LYST: variants seen among roughly 807,000 people sequenced by gnomAD.
LYST encodes lysosomal-trafficking regulator.
In LYST, 192 loss-of-function variants were observed where a neutral mutation model predicts 413.6. That is an observed-to-expected ratio of 0.46 (90% CI 0.41 to 0.52). The LOEUF (loss-of-function observed/expected upper bound fraction) is 0.52, where lower values mean the gene tolerates loss of function less well. LYST is among the 20% of genes least tolerant of loss of function. LYST has a pLI of 0.00. For synonymous variants in LYST, 1,525 were observed against 1,567.3 expected, an observed-to-expected ratio of 0.97 and a Z score of 0.64; for missense variants, 3,815 against 4,499.9, an observed-to-expected ratio of 0.85 and a Z score of 4.35.
chr1:235,807,126 T>C (rs1250260535), intron 5 of LYST, among the ~76,000 whole-genome samples: 1 of 152,186 alleles, frequency 6.6e-6, no homozygotes, highest in Non-Finnish European at 1.5e-5. Context: ...ACACCTGAGG[T>C]GGACACCCTG....
rs1558162275 is a variant in LYST, at chr1:235,731,025, C to T, written c.8947+7G>A. 6.2e-7 allele frequency: 1 copy of T among 1,612,480 alleles called. No individual in the cohort carries two copies. On this transcript the variant is annotated splice_region_variant and intron_variant, in intron 35 of 52. Coordinates refer to ENST00000389793, the MANE Select transcript of LYST (RefSeq NM_000081.4). ...ATTTATATGTTGAGTCAAGAAGCCA[C>T]TATTACCTTCTGATTTCTGTCTATC...
rs568301827 is a variant in LYST at position 235,790,914 on chromosome 1, G to C, written c.4543+785C>G. Among the ~76,000 whole-genome samples the C allele has an allele frequency of 7.9e-5, 12 of 152,216 alleles. 1 individual carries two copies. The South Asian group carries it at 2.5e-3, about 32-fold the overall frequency. On this transcript the variant is annotated intron_variant, in intron 12 of 52. Transcript: ENST00000389793. Reference sequence around the variant, plus strand: ...ACTGAGGTAAGACATGGCATGAGAAGGAGAACTTGAAATAAAAGAGAGAAA... The same window carrying C: ...ACTGAGGTAAGACATGGCATGAGAACGAGAACTTGAAATAAAAGAGAGAAA...
chr1:235,776,962 T>G, intron 17 of LYST, 101 bp downstream of exon 17: 1 of 983,172 alleles, frequency 1.0e-6, no homozygotes, highest in Non-Finnish European at 1.5e-6. Flanking sequence ...TTTAATATAG[T>G]CGAGTGTAGC....
rs542209198 is a variant in LYST at position 235,661,395 on chromosome 1, C to G, written c.*1545G>C. 9.2e-5 allele frequency: 14 copies of G among 152,332 alleles called. No homozygotes were observed. The highest frequency in any genetic ancestry group is 2.9e-4 in the African/African-American group (12 of 41,424). 9.4% of individuals were successfully genotyped at this position (152,332 alleles called of 1,614,324 possible). A position where few individuals can be genotyped will look rare whatever the true frequency, so the allele number is the denominator to read the frequency against. On this transcript the variant is annotated 3_prime_UTR_variant, in exon 53 of 53. Coordinates refer to ENST00000389793, the MANE Select transcript of LYST (RefSeq NM_000081.4). The stretch of plus-strand genomic sequence containing the variant: ...GACAATAGCTGCAATTTTTTGTTAA[C>G]AAAGCAAATCACTTCAACGTGAATA...
upstream of LYST, among the ~76,000 whole-genome samples, chr1:235,867,520 GT>G: frequency 7.8e-6 from 1 of 127,634 alleles, no homozygotes; most frequent in Admixed American, 7.2e-5. Context: ...AAGTAATTCA[GT>G]GCAGTGGTGT....
chr1:235,679,014 T>C (rs1659603888), intron 48 of LYST, among the ~76,000 whole-genome samples: 1 of 152,218 alleles, frequency 6.6e-6, no homozygotes, highest in Non-Finnish European at 1.5e-5. Flanking sequence ...CAGTTACATA[T>C]TTTTATAGAC....
chr1:235,752,902 T>C (rs1666647185), intron 26 of LYST, 142 bp downstream of exon 26: 2 of 518,608 alleles, frequency 3.9e-6, no homozygotes, highest in Admixed American at 3.5e-5. Flanking sequence ...ATTATTATTT[T>C]TTTACTTTTA....
chr1:235,664,645 G>A lies in LYST; in HGVS notation c.11039-24C>T, dbSNP rs12088737. On this transcript the variant is annotated intron_variant, in intron 50 of 52. Coordinates refer to ENST00000389793, the MANE Select transcript of LYST (RefSeq NM_000081.4). The surrounding 1 kb of genome is among the most constrained non-coding windows in gnomAD (Gnocchi z 4.5). Reference sequence around the variant, plus strand: ...AGCTAAAACACCCAAATCATCCGGCGGGTTACCAGAATGTGGCTGTCTCAG... The same window carrying A: ...AGCTAAAACACCCAAATCATCCGGCAGGTTACCAGAATGTGGCTGTCTCAG... 25,255 of 1,613,624 alleles carry A rather than the reference G, an allele frequency of 0.016. 3,018 individuals carry two copies. In the African/African-American group the frequency reaches 0.27, roughly 18 times the overall value.
intron 38 of LYST, among the ~76,000 whole-genome samples, chr1:235,726,739 A>G (rs1157648973): frequency 6.6e-6 from 1 of 152,206 alleles, no homozygotes; most frequent in African/African-American, 2.4e-5. Context: ...GTCTTCCCAG[A>G]CCAAGTATTT....
chr1:235,778,122 T>TATATATATATATATA (rs1558230944), intron 16 of LYST, among the ~76,000 whole-genome samples: 3 of 144,804 alleles, frequency 2.1e-5, no homozygotes, highest in African/African-American at 8.0e-5. Context: ...TATATATATA[T>TATATATATATATATA]TTTTGTAGAG....
intron 1 of LYST, among the ~76,000 whole-genome samples, chr1:235,850,114 G>A (rs1678356303): frequency 6.6e-6 from 1 of 152,128 alleles, no homozygotes; most frequent in Non-Finnish European, 1.5e-5. Context: ...CACATTACCT[G>A]ATTTCAAACT....
Position 235,662,581 on chromosome 1 carries a change from A to C in LYST, c.*359T>G, listed in dbSNP as rs2103003302. On this transcript the variant is annotated 3_prime_UTR_variant, in exon 53 of 53. Transcript: ENST00000389793. ...TTTTATATAAACAATCAACCAACCAATTTAAATTCTACTGGTCCTTTTGGA... is the reference window on the plus strand; with the variant it reads ...TTTTATATAAACAATCAACCAACCACTTTAAATTCTACTGGTCCTTTTGGA... The C allele has an allele frequency of 3.2e-6, 1 of 316,732 alleles. No homozygotes were observed. The allele number at this position is 316,732 out of a possible 1,614,324, so 19.6% of individuals were successfully genotyped here. A position where few individuals can be genotyped will look rare whatever the true frequency, so the allele number is the denominator to read the frequency against.
At position 235,734,521 on chromosome 1, in the gene LYST, C is replaced by T. The variant is rs200813210; in HGVS notation, c.8497G>A (p.Ala2833Thr). 710 of 1,613,686 alleles carry T rather than the reference C, an allele frequency of 4.4e-4. 7 individuals carry two copies. The South Asian group carries it at 7.3e-3, about 17-fold the overall frequency. The change falls in exon 32 of 53, where the codon GCA (alanine) becomes ACA (threonine). Residue 2833 changes from alanine (A) to threonine (T), a missense_variant. Ala to Thr is a moderately conservative substitution (Grantham distance 58). Around this residue, in one of 4 missense-constraint regions of LYST, gnomAD observed 771 missense variants for 837.1 expected, o/e 0.92. Transcript: ENST00000389793. ...LCGHKCIPPSASTKADLIKMI... is the reference protein window; with the variant it reads ...LCGHKCIPPSTSTKADLIKMI... The stretch of plus-strand genomic sequence containing the variant: ...TTAATAAGGTCTGCTTTTGTTGATG[C>T]ACTGGGAGGGATGCACTTGTGACCA...
intron 43 of LYST, among the ~76,000 whole-genome samples, chr1:235,711,424 C>A (rs908806604): frequency 6.6e-6 from 1 of 152,254 alleles, no homozygotes; most frequent in South Asian, 2.1e-4. Flanking sequence ...ATGTAATTTG[C>A]CCAACACCAA....
chr1:235,857,742 TACAC>T (rs56208034), intron 1 of LYST, among the ~76,000 whole-genome samples: 38,082 of 128,918 alleles, frequency 0.3, 6,627 homozygotes, highest in East Asian at 0.63. Flanking sequence ...CATATGTAAA[TACAC>T]ACACACACAC....
At chr1:235,675,078 T>C (rs1207874443) in intron 50 of LYST, among the ~76,000 whole-genome samples, 1 of 152,100 alleles carries the variant, frequency 6.6e-6, no homozygotes, top group East Asian at 1.9e-4. Context: ...CAAGAGATGT[T>C]AGAAAAATTT....
chr1:235,800,657 G>A lies in LYST; in HGVS notation c.3939+214C>T, dbSNP rs541312065. On this transcript the variant is annotated intron_variant, in intron 9 of 52. Coordinates refer to ENST00000389793, the MANE Select transcript of LYST (RefSeq NM_000081.4). Reference sequence around the variant, plus strand: ...CAGAAATAGATGAGGATTTACTACTGGCTAGCAAAGGACATTAATTTTCTA... The same window carrying A: ...CAGAAATAGATGAGGATTTACTACTAGCTAGCAAAGGACATTAATTTTCTA... Among the ~76,000 whole-genome samples the A allele has an allele frequency of 1.2e-4, 18 of 152,112 alleles. No homozygotes were observed. In the East Asian group the frequency reaches 3.5e-3, roughly 29 times the overall value.
chr1:235,802,786 T>C (rs532049867), intron 8 of LYST, 122 bp downstream of exon 8: 292 of 852,544 alleles, frequency 3.4e-4, no homozygotes, highest in South Asian at 1.5e-3. Context: ...AAAAAGATTA[T>C]GCAACACACT....
chr1:235,747,318 C>A, intron 28 of LYST: 1 of 431,828 alleles, frequency 2.3e-6, no homozygotes, highest in South Asian at 1.6e-5. Flanking sequence ...TGGAACCCTT[C>A]ATTGGAATTG....
Sources: allele counts gnomAD v4.1 joint callset (sites outside exome capture counted in the v4.1 genomes callset), GRCh38; gene constraint gnomAD v4.1.1; regional missense constraint gnomAD v4.1.1; non-coding constraint Gnocchi (gnomAD v3.1); transcripts MANE v1.5; gene names NCBI Gene and HGNC (gene_info 2026-07-23, HGNC 2026-07-21).